PTGS2: variants seen among roughly 807,000 people sequenced by gnomAD.
PTGS2 encodes the protein prostaglandin G/H synthase 2.
Under a neutral mutation model 63.8 loss-of-function variants are expected in PTGS2, and 14 were observed. The observed-to-expected ratio is 0.22, with a 90% confidence interval of 0.14 to 0.34. The LOEUF (loss-of-function observed/expected upper bound fraction) is 0.34, where lower values mean the gene tolerates loss of function less well. Among genes scored for constraint, PTGS2 ranks in the 10% least tolerant of loss-of-function variants. The pLI is 1.00. For synonymous variants in PTGS2, 271 were observed against 259.5 expected (o/e 1.04, Z -0.43); for missense variants, 533 against 738.5 (o/e 0.72, Z 3.23).
In PTGS2 at chr1:186,672,530, G is replaced by A. The variant is rs1665706410; in HGVS notation, c.*1823C>T. 6.6e-6 allele frequency: 1 copy of A among 152,406 alleles called. No homozygotes were observed. Among genetic ancestry groups the A allele is most frequent in the Admixed American group, 6.6e-5 (1 of 15,248 alleles). 9.4% of individuals were successfully genotyped at this position (152,406 alleles called of 1,614,324 possible). On this transcript the variant is annotated 3_prime_UTR_variant, in exon 10 of 10. Coordinates refer to ENST00000367468, the MANE Select transcript of PTGS2 (RefSeq NM_000963.4). Reference sequence around the variant, plus strand: ...TGTGACATAACAAAAAAAAATCAATGATTGTAGGCTTAAACACAGTTTATA... The same window carrying A: ...TGTGACATAACAAAAAAAAATCAATAATTGTAGGCTTAAACACAGTTTATA...
Position 186,673,732 on chromosome 1 carries a change from T to C in PTGS2, c.*621A>G, listed in dbSNP as rs1665730216. The stretch of plus-strand genomic sequence containing the variant: ...TAAATCCAAGACAGCTTCTTTTTGG[T>C]ATATGTACAAGTTTAATAACTTTAA... On this transcript the variant is annotated 3_prime_UTR_variant, in exon 10 of 10. Transcript: ENST00000367468. 1 of 152,190 alleles carries C rather than the reference T, an allele frequency of 6.6e-6. No individual in the cohort carries two copies. Among genetic ancestry groups the C allele is most frequent in the African/African-American group, 2.4e-5 (1 of 41,454 alleles). The allele number at this position is 152,190 out of a possible 1,614,324, so 9.4% of individuals were successfully genotyped here.
In PTGS2 at chr1:186,678,254, TACTC is replaced by T; in HGVS notation, c.457+3_457+6del. 2.5e-6 allele frequency: 4 copies of T among 1,599,128 alleles called. No homozygotes were observed. The highest frequency in any genetic ancestry group is 1.3e-5 in the African/African-American group (1 of 74,334). On this transcript the variant is annotated splice_donor_5th_base_variant and intron_variant, in intron 4 of 9. Transcript: ENST00000367468. Reference sequence around the variant, plus strand: ...TAATACATCTCTAATGGATTCTTCTTACTCACCTTTGACACCCAAGGGAGTCGGG... The same window carrying T: ...TAATACATCTCTAATGGATTCTTCTTACCTTTGACACCCAAGGGAGTCGGG...
chr1:186,679,521 C>T (rs1000395206), intron 1 of PTGS2, 83 bp from the exon 2 acceptor site: 2 of 1,037,868 alleles, frequency 1.9e-6, no homozygotes, highest in African/African-American at 1.6e-5. Context: ...TATGAATCAA[C>T]TTTACAATAA....
Position 186,674,267 on chromosome 1 carries a change from A to G in PTGS2, c.*86T>C, listed in dbSNP as rs1665740150. On this transcript the variant is annotated 3_prime_UTR_variant, in exon 10 of 10. Transcript: ENST00000367468. ...CTTCTGTTACAGAAGATGTTAAGTA[A>G]CATAAGGAGTTTAATATAAATATTA... is the stretch of plus-strand genomic sequence containing the variant. The G allele has an allele frequency of 1.1e-6, 1 of 884,642 alleles. No homozygotes were observed. Among genetic ancestry groups the G allele is most frequent in the Non-Finnish European group, 1.5e-6 (1 of 665,918 alleles). 54.8% of individuals were successfully genotyped at this position (884,642 alleles called of 1,614,324 possible).
At position 186,674,473 on chromosome 1, in the gene PTGS2, T is replaced by A; in HGVS notation, c.1695A>T (p.Ser565=). 6.2e-7 allele frequency: 1 copy of A among 1,614,168 alleles called. No homozygotes were observed. Among genetic ancestry groups the A allele is most frequent in the Non-Finnish European group, 8.5e-7 (1 of 1,180,036 alleles). ...CNNVKGCPFT[S]FSVPDPELIK... is the part of the protein sequence containing the mutation. ...TGAGCTCTGGATCTGGAACACTGAA[T>A]GAAGTAAAGGGACAGCCCTTCACGT... Residue 565 remains serine, a synonymous_variant, in exon 10 of 10, where the codon TCA becomes TCT. Transcript: ENST00000367468.
At position 186,674,414 on chromosome 1, in the gene PTGS2, C is replaced by A; in HGVS notation, c.1754G>T (p.Arg585Leu). 1.2e-6 allele frequency: 2 copies of A among 1,613,876 alleles called. No homozygotes were observed. The highest frequency in any genetic ancestry group is 1.7e-6 in the Non-Finnish European group (2 of 1,179,864). ...GGGATTGATATCATCTAGTCCGGAG[C>A]GGGAAGAACTTGCATTGATGGTGAC... is the stretch of plus-strand genomic sequence containing the variant. ...KTVTINASSSRSGLDDINPTV... is the reference protein window; with the variant it reads ...KTVTINASSSLSGLDDINPTV... Residue 585 changes from arginine (R) to leucine (L), a missense_variant, in exon 10 of 10, where the codon CGC (arginine) becomes CTC (leucine). Coordinates refer to ENST00000367468, the MANE Select transcript of PTGS2 (RefSeq NM_000963.4).
Position 186,674,527 on chromosome 1 carries a change from A to T in PTGS2, c.1641T>A (p.Thr547=), listed in dbSNP as rs1329884723. The T allele has an allele frequency of 1.2e-6, 2 of 1,614,212 alleles. No individual in the cohort carries two copies. The highest frequency in any genetic ancestry group is 2.2e-5 in the South Asian group (2 of 91,084). Residue 547 remains threonine (T), a synonymous_variant, in exon 10 of 10, where the codon ACT becomes ACA. Transcript: ENST00000367468. ...TGCAGATGAGAGACTGAATTGAGGC[A>T]GTGTTGATGATTTGAAAACCCACTT... is the stretch of plus-strand genomic sequence containing the variant. ...GGEVGFQIIN[T]ASIQSLICNN...
In PTGS2 at chr1:186,676,718, AAAAAT is replaced by A; in HGVS notation, c.724-10_724-6del. On this transcript the variant is annotated splice_region_variant and splice_polypyrimidine_tract_variant and intron_variant, in intron 6 of 9. Transcript: ENST00000367468. ...ATACATCTCTCCATCAATTATCTAA[AAAAAT>A]AAATAAATAAATAAACATCAGTTAA... 6.3e-7 allele frequency: 1 copy of A among 1,596,576 alleles called. No homozygotes were observed. Among genetic ancestry groups the A allele is most frequent in the Non-Finnish European group, 8.5e-7 (1 of 1,172,686 alleles).
In PTGS2 at chr1:186,672,198, A is replaced by T. The variant is rs973653223; in HGVS notation, c.*2155T>A. ...ATCTGTAATCAGCGTTTGATTTAAA[A>T]ATATTAAAACCCACAGTGCTTGACA... On this transcript the variant is annotated 3_prime_UTR_variant, in exon 10 of 10. Transcript: ENST00000367468. 1 of 152,120 alleles carries T rather than the reference A, an allele frequency of 6.6e-6. No individual in the cohort carries two copies. The highest frequency in any genetic ancestry group is 2.4e-5 in the African/African-American group (1 of 41,460). The allele number at this position is 152,120 out of a possible 1,614,324, so 9.4% of individuals were successfully genotyped here.
At position 186,673,198 on chromosome 1, in the gene PTGS2, G is replaced by A. The variant is rs1427300798; in HGVS notation, c.*1155C>T. The A allele has an allele frequency of 6.6e-6, 1 of 152,128 alleles. No homozygotes were observed. The highest frequency in any genetic ancestry group is 1.5e-5 in the Non-Finnish European group (1 of 67,990). 9.4% of individuals were successfully genotyped at this position (152,128 alleles called of 1,614,324 possible). A position where few individuals can be genotyped will look rare whatever the true frequency, so the allele number is the denominator to read the frequency against. ...AAATTAATGTGTGAAATGAATTTAA[G>A]CATTTTGAAGAGGTATTTTATGAGG... On this transcript the variant is annotated 3_prime_UTR_variant, in exon 10 of 10. Transcript: ENST00000367468.
At chr1:186,674,873 C>T (rs1252267351) in intron 9 of PTGS2, 111 bp from the exon 10 acceptor site, 11 of 1,304,158 alleles carry the variant, frequency 8.4e-6, no homozygotes, top group Non-Finnish European at 9.3e-6. Flanking sequence ...CCATTTGACC[C>T]CTGATTCTTT....
chr1:186,680,280 CG>C lies in PTGS2; in HGVS notation c.10del (p.Arg4AlafsTer30). The C allele has an allele frequency of 6.5e-7, 1 of 1,544,118 alleles. No homozygotes were observed. Among genetic ancestry groups the C allele is most frequent in the Non-Finnish European group, 8.7e-7 (1 of 1,143,706 alleles). The stretch of plus-strand genomic sequence containing the variant: ...CAGGACCGCGCACAGCAGCAGGGCG[CG>C]GGCGAGCATCGCAGCGGCGGGCAGG... The part of the protein sequence containing the change: MLA[R>X]ALLLCAVLAL... On this transcript the variant is annotated frameshift_variant, in exon 1 of 10. Transcript: ENST00000367468. LOFTEE classifies it high-confidence loss of function.
rs3218624 is a variant in PTGS2 at position 186,675,955 on chromosome 1, C to T, written c.1200G>A (p.Leu400=). The change falls in exon 8 of 10, where the codon TTG becomes TTA. Residue 400 remains leucine, a synonymous_variant. Transcript: ENST00000367468. Reference sequence around the variant, plus strand: ...CAAACTGGGTAATTCCATGTTCCAGCAATATAGAGTTGTTGTAGATAAACT... The same window carrying T: ...CAAACTGGGTAATTCCATGTTCCAGTAATATAGAGTTGTTGTAGATAAACT... ...YQQFIYNNSI[L]LEHGITQFVE... is the part of the protein sequence containing the mutation. 456 of 1,613,906 alleles carry T rather than the reference C, an allele frequency of 2.8e-4. 4 individuals carry two copies. The East Asian group carries it at 9.9e-3, about 35-fold the overall frequency.
intron 5 of PTGS2, 119 bp from the exon 6 acceptor site, chr1:186,677,035 A>G (rs969971864): frequency 1.3e-6 from 1 of 749,370 alleles, no homozygotes; most frequent in Middle Eastern, 3.9e-4. Flanking sequence ...AAATTTTTAA[A>G]TAAAATATAC....
rs190150368 is a variant in PTGS2 at position 186,673,051 on chromosome 1, G to A, written c.*1302C>T. ...ACTAGTAAAACAAAATAGGAGAAAC[G>A]AAGTGATGAGAAGACTGTGTCTCTT... On this transcript the variant is annotated 3_prime_UTR_variant, in exon 10 of 10. Transcript: ENST00000367468. 34 of 152,170 alleles carry A rather than the reference G, an allele frequency of 2.2e-4. No homozygotes were observed. Among genetic ancestry groups the A allele is most frequent in the African/African-American group, 7.0e-4 (29 of 41,530 alleles). The allele number at this position is 152,170 out of a possible 1,614,324, so 9.4% of individuals were successfully genotyped here. A position where few individuals can be genotyped will look rare whatever the true frequency, so the allele number is the denominator to read the frequency against.
intron 2 of PTGS2, 41 bp downstream of exon 2, chr1:186,679,281 C>T (rs1317486385): frequency 6.2e-7 from 1 of 1,611,546 alleles, no homozygotes; most frequent in South Asian, 1.1e-5. Context: ...ATAACTGTAT[C>T]CAGCCCCACT....
At position 186,672,053 on chromosome 1, in the gene PTGS2, A is replaced by C. The variant is rs1404342002; in HGVS notation, c.*2300T>G. 1.3e-5 allele frequency: 2 copies of C among 152,050 alleles called. No individual in the cohort carries two copies. The highest frequency in any genetic ancestry group is 4.8e-5 in the African/African-American group (2 of 41,422). The allele number at this position is 152,050 out of a possible 1,614,324, so 9.4% of individuals were successfully genotyped here. The stretch of plus-strand genomic sequence containing the variant: ...TATTGACTATTTCTTTCTTAACCTT[A>C]AACATTCTAAACGTAAAATTGTAAA... On this transcript the variant is annotated 3_prime_UTR_variant, in exon 10 of 10. Coordinates refer to ENST00000367468, the MANE Select transcript of PTGS2 (RefSeq NM_000963.4).
rs200530923 is a variant in PTGS2, at chr1:186,676,723, T to A, written c.724-10A>T. 52 of 1,446,664 alleles carry A rather than the reference T, an allele frequency of 3.6e-5. No individual in the cohort carries two copies. Among genetic ancestry groups the A allele is most frequent in the African/African-American group, 3.0e-4 (22 of 72,618 alleles). The allele number at this position is 1,446,664 out of a possible 1,614,324, so 89.6% of individuals were successfully genotyped here. On this transcript the variant is annotated splice_polypyrimidine_tract_variant and intron_variant, in intron 6 of 9. Transcript: ENST00000367468. Reference sequence around the variant, plus strand: ...TCTCTCCATCAATTATCTAAAAAAATAAATAAATAAATAAACATCAGTTAA... The same window carrying A: ...TCTCTCCATCAATTATCTAAAAAAAAAAATAAATAAATAAACATCAGTTAA...
Position 186,672,172 on chromosome 1 carries a change from T to TA in PTGS2, c.*2180dup, listed in dbSNP as rs1224063085. 10 of 151,976 alleles carry TA rather than the reference T, an allele frequency of 6.6e-5. No homozygotes were observed. The highest frequency in any genetic ancestry group is 1.9e-4 in the African/African-American group (8 of 41,442). 9.4% of individuals were successfully genotyped at this position (151,976 alleles called of 1,614,324 possible). On this transcript the variant is annotated 3_prime_UTR_variant, in exon 10 of 10. Transcript: ENST00000367468. ...TTTCAATTATTTATATAAATACTAT[T>TA]ATCTGTAATCAGCGTTTGATTTAAA...
Sources: allele counts gnomAD v4.1 joint callset, GRCh38; gene constraint gnomAD v4.1.1; transcripts MANE v1.5; gene names NCBI Gene and HGNC (gene_info 2026-07-23, HGNC 2026-07-21).